NRL: variants seen among roughly 807,000 people sequenced by gnomAD.
NRL encodes the protein neural retina-specific leucine zipper protein.
NRL carries 16 observed loss-of-function variants against 12.5 expected under a neutral mutation model. The ratio of observed to expected loss-of-function variants is 1.28; its 90% CI spans 0.87 to 1.95. The LOEUF (loss-of-function observed/expected upper bound fraction) is 1.95. NRL is among the 30% of genes most tolerant of loss of function. The probability of loss-of-function intolerance (pLI) is 0.00; values close to 1 mark genes in which losing one functional copy is unlikely to be tolerated. For missense variants in NRL, 314 were observed against 325.8 expected, an observed-to-expected ratio of 0.96 and a Z score of 0.28; for synonymous variants, 142 against 150.9, an observed-to-expected ratio of 0.94 and a Z score of 0.43.
Position 24,102,818 on chromosome 14 carries a change from A to G in NRL, c.-28+11904T>C, listed in dbSNP as rs200768361. 38 of 1,613,934 alleles carry G rather than the reference A, an allele frequency of 2.4e-5. No individual in the cohort carries two copies. Among genetic ancestry groups the G allele is most frequent in the Non-Finnish European group, 2.1e-5 (25 of 1,179,830 alleles). On this transcript the variant is annotated intron_variant, in intron 1 of 2. Transcript: ENST00000561028. ...TGCCCCGGCTCGCCAGTGCCCCATC[A>G]TGGACCCAGCCTGGGAGGCCCCAGA...
intron 1 of NRL, chr14:24,104,148 T>C: frequency 1.7e-6 from 1 of 596,200 alleles, no homozygotes; most frequent in Non-Finnish European, 3.0e-6. Context: ...GCTGTTTTCA[T>C]TTCCCACCTA....
rs2036309009 is a variant in NRL, at chr14:24,081,646, C to G, written c.382-78G>C. The G allele has an allele frequency of 6.5e-6, 10 of 1,538,550 alleles. No individual in the cohort carries two copies. The highest frequency in any genetic ancestry group is 8.8e-6 in the Non-Finnish European group (10 of 1,142,050). On this transcript the variant is annotated intron_variant, in intron 2 of 2. Coordinates refer to ENST00000561028, the MANE Select transcript of NRL (RefSeq NM_001354768.3). The surrounding 1 kb of genome is among the most constrained non-coding windows in gnomAD (Gnocchi z 4.4). ...GCCCTGAGGGCCCGACGCTACCTGG[C>G]TCCGCCCCGGGACAGCCCCGCCCCG...
At chr14:24,101,371 TC>T (rs1249186217) in intron 1 of NRL, among the ~76,000 whole-genome samples, 5 of 152,098 alleles carry the variant, frequency 3.3e-5, no homozygotes, top group Non-Finnish European at 7.4e-5. Flanking sequence ...CCCCGTGGCT[TC>T]CCCACTCCCC....
In NRL at chr14:24,081,806, C is replaced by T. The variant is rs960906126; in HGVS notation, c.382-238G>A. ...AGGCGGGCGCCCCACGGTGCAGGGCCGGCCACGGTCAGGCGAGCCCGTCGC... is the reference window on the plus strand; with the variant it reads ...AGGCGGGCGCCCCACGGTGCAGGGCTGGCCACGGTCAGGCGAGCCCGTCGC... On this transcript the variant is annotated intron_variant, in intron 2 of 2. Transcript: ENST00000561028. This position sits in a 1 kb window ranked among gnomAD's most constrained non-coding sequence, Gnocchi z 4.4. 1.4e-6 allele frequency: 2 copies of T among 1,477,658 alleles called. No individual in the cohort carries two copies. The highest frequency in any genetic ancestry group is 2.9e-5 in the African/African-American group (2 of 69,700). 91.5% of individuals were successfully genotyped at this position (1,477,658 alleles called of 1,614,324 possible). A position where few individuals can be genotyped will look rare whatever the true frequency, so the allele number is the denominator to read the frequency against.
At chr14:24,105,726 G>A (rs192101411) in intron 1 of NRL, among the ~76,000 whole-genome samples, 309 of 152,214 alleles carry the variant, frequency 2.0e-3, no homozygotes, top group Middle Eastern at 3.4e-3. Flanking sequence ...CAAGACCAGC[G>A]TGGCCAACAC....
intron 1 of NRL, among the ~76,000 whole-genome samples, chr14:24,090,270 G>T (rs796731822): frequency 2.3e-4 from 8 of 35,336 alleles, no homozygotes; most frequent in Non-Finnish European, 5.3e-4. Flanking sequence ...TTACTCGGGG[G>T]GGGGGGGGGG....
At chr14:24,091,970 C>G (rs548784383) in intron 1 of NRL, among the ~76,000 whole-genome samples, 12 of 152,296 alleles carry the variant, frequency 7.9e-5, no homozygotes, top group African/African-American at 2.9e-4. Context: ...TGGCATACTT[C>G]TGGGGTCCTG....
chr14:24,084,186 C>T (rs1285369750), intron 1 of NRL, among the ~76,000 whole-genome samples: 1 of 152,202 alleles, frequency 6.6e-6, no homozygotes, highest in Non-Finnish European at 1.5e-5. Flanking sequence ...TGTTCCAGGG[C>T]AGGGTTGCTG....
At chr14:24,086,545 G>A (rs2036470796) in intron 1 of NRL, among the ~76,000 whole-genome samples, 2 of 152,302 alleles carry the variant, frequency 1.3e-5, no homozygotes, top group South Asian at 4.1e-4. Context: ...ATCATGGAGA[G>A]GCAGGACCCC....
At chr14:24,087,380 T>C (rs1324882667) in intron 1 of NRL, among the ~76,000 whole-genome samples, 1 of 151,438 alleles carries the variant, frequency 6.6e-6, no homozygotes, top group Non-Finnish European at 1.5e-5. Context: ...GACAGAAAGG[T>C]AGCAAGATAT....
chr14:24,114,858 C>A lies in NRL; in HGVS notation c.-164G>T, dbSNP rs2037503196. 1.0e-6 allele frequency: 1 copy of A among 985,812 alleles called. No homozygotes were observed. The highest frequency in any genetic ancestry group is 1.7e-5 in the African/African-American group (1 of 57,248). The allele number at this position is 985,812 out of a possible 1,614,324, so 61.1% of individuals were successfully genotyped here. A position where few individuals can be genotyped will look rare whatever the true frequency, so the allele number is the denominator to read the frequency against. On this transcript the variant is annotated 5_prime_UTR_variant, in exon 1 of 3. Coordinates refer to ENST00000561028, the MANE Select transcript of NRL (RefSeq NM_001354768.3). ...GCGTGACGGAGGAGCGGTTGGCCAA[C>A]GCAGTGGCGGCAGTCGGTGTAAACA...
Position 24,081,503 on chromosome 14 carries a change from C to T in NRL, c.447G>A (p.Leu149=). 1 of 1,600,982 alleles carries T rather than the reference C, an allele frequency of 6.2e-7. No individual in the cohort carries two copies. The highest frequency in any genetic ancestry group is 8.5e-7 in the Non-Finnish European group (1 of 1,175,684). The change falls in exon 3 of 3, where the codon CTG becomes CTA. Residue 149 remains leucine (L), a synonymous_variant. Coordinates refer to ENST00000561028, the MANE Select transcript of NRL (RefSeq NM_001354768.3). The surrounding 1 kb of genome is among the most constrained non-coding windows in gnomAD (Gnocchi z 4.4). ...GCGCCTCGTCGCGCCCGCAGCCCCG[C>T]AGCTGCCGGTTTAGCTCCCGCACAG... ...SMSVRELNRQ[L]RGCGRDEALR... is the part of the protein sequence containing the mutation.
At position 24,082,708 on chromosome 14, in the gene NRL, C is replaced by T. The variant is rs778204799; in HGVS notation, c.141G>A (p.Val47=). ...GTTCACTGAAGGTGGGTGAAGGAGGCACTGAGCTGTAAGGTGTGGAGCCCA... is the reference window on the plus strand; with the variant it reads ...GTTCACTGAAGGTGGGTGAAGGAGGTACTGAGCTGTAAGGTGTGGAGCCCA... ...ASLGSTPYSS[V]PPSPTFSEPG... Residue 47 remains valine (V), a synonymous_variant, in exon 2 of 3, where the codon GTG becomes GTA. Coordinates refer to ENST00000561028, the MANE Select transcript of NRL (RefSeq NM_001354768.3). 1.9e-6 allele frequency: 3 copies of T among 1,614,070 alleles called. No homozygotes were observed. The highest frequency in any genetic ancestry group is 2.7e-5 in the African/African-American group (2 of 74,938).
intron 1 of NRL, among the ~76,000 whole-genome samples, chr14:24,083,803 G>A (rs910492002): frequency 6.6e-6 from 1 of 152,156 alleles, no homozygotes; most frequent in Admixed American, 6.5e-5. Flanking sequence ...CATAGCACAA[G>A]AGCATATTAA....
At chr14:24,103,655 C>G in intron 1 of NRL, 1 of 1,614,170 alleles carries the variant, frequency 6.2e-7, no homozygotes, top group South Asian at 1.1e-5. Flanking sequence ...TCCGGCGTGA[C>G]GAGGCAGGGC....
In NRL at chr14:24,094,799, C is replaced by T. The variant is rs1416693710; in HGVS notation, c.-27-11924G>A. On this transcript the variant is annotated intron_variant, in intron 1 of 2. Coordinates refer to ENST00000561028, the MANE Select transcript of NRL (RefSeq NM_001354768.3). The surrounding 1 kb of genome is among the most constrained non-coding windows in gnomAD (Gnocchi z 4.1). ...CTCGGACCTCTAACGGGCTCTCAGC[C>T]AGCGCCCCAGGGTACTTCGAGAGGC... is the stretch of plus-strand genomic sequence containing the variant. The T allele has an allele frequency of 1.8e-5, 24 of 1,358,800 alleles. No individual in the cohort carries two copies. The highest frequency in any genetic ancestry group is 2.3e-5 in the Non-Finnish European group (24 of 1,034,202). 84.2% of individuals were successfully genotyped at this position (1,358,800 alleles called of 1,614,324 possible).
intron 1 of NRL, among the ~76,000 whole-genome samples, chr14:24,102,314 T>C (rs567962678): frequency 2.8e-4 from 43 of 152,322 alleles, no homozygotes; most frequent in African/African-American, 8.9e-4. Context: ...GGAAAGTCAA[T>C]TGTCTGAAGT....
At position 24,094,556 on chromosome 14, in the gene NRL, C is replaced by T; in HGVS notation, c.-27-11681G>A. ...GTTTCCCATCCTAGGCGGAGGCGGG[C>T]AGGGGCGACTGCTGTGGGTCCAGCC... On this transcript the variant is annotated intron_variant, in intron 1 of 2. Transcript: ENST00000561028. The surrounding 1 kb of genome is among the most constrained non-coding windows in gnomAD (Gnocchi z 4.1). The T allele has an allele frequency of 6.9e-7, 1 of 1,441,128 alleles. No homozygotes were observed. Among genetic ancestry groups the T allele is most frequent in the Non-Finnish European group, 9.1e-7 (1 of 1,101,654 alleles). The allele number at this position is 1,441,128 out of a possible 1,614,324, so 89.3% of individuals were successfully genotyped here. A position where few individuals can be genotyped will look rare whatever the true frequency, so the allele number is the denominator to read the frequency against.
At chr14:24,109,675 G>A (rs1254623058) in intron 1 of NRL, among the ~76,000 whole-genome samples, 1 of 149,708 alleles carries the variant, frequency 6.7e-6, no homozygotes, top group African/African-American at 2.5e-5. Context: ...TCCAGCCTGG[G>A]TGACAGAGCA....
Sources: gnomAD v4.1 joint callset for allele counts (sites outside exome capture counted in the v4.1 genomes callset) on GRCh38, gnomAD v4.1.1 for gene constraint, Gnocchi (gnomAD v3.1) non-coding constraint, MANE v1.5 for transcripts, NCBI Gene and HGNC (gene_info 2026-07-23, HGNC 2026-07-21) for gene names.